Variants in SYNE3 observed in about 807,000 individuals in gnomAD.
SYNE3 encodes spectrin repeat containing nuclear envelope family member 3, also known as nesprin-3.
Under a neutral mutation model 111.2 loss-of-function variants are expected in SYNE3, and 100 were observed. The ratio of observed to expected loss-of-function variants is 0.90; its 90% CI spans 0.77 to 1.06. The LOEUF (loss-of-function observed/expected upper bound fraction) is 1.06, where lower values mean the gene tolerates loss of function less well. Ranked by LOEUF, SYNE3 falls within the 50% of genes least tolerant of loss-of-function variation. The pLI is 0.00. For missense variants in SYNE3, 1,160 were observed against 1,240.3 expected, an observed-to-expected ratio of 0.94 and a Z score of 0.97; for synonymous variants, 547 against 533.9, an observed-to-expected ratio of 1.02 and a Z score of -0.34.
intron 17 of SYNE3, among the ~76,000 whole-genome samples, chr14:95,421,018 A>G (rs910359086): frequency 6.6e-6 from 1 of 152,128 alleles, no homozygotes; most frequent in African/African-American, 2.4e-5. Context: ...ATGGTTTTAT[A>G]AGGGGTTTCC....
intron 13 of SYNE3, 92 bp downstream of exon 13, chr14:95,439,520 C>A (rs900366558): frequency 2.0e-6 from 3 of 1,536,038 alleles, no homozygotes; most frequent in Non-Finnish European, 1.8e-6. Flanking sequence ...CTGGGCAGCA[C>A]CCTGGCCCTC....
intron 3 of SYNE3, among the ~76,000 whole-genome samples, chr14:95,467,351 T>G (rs1019472902): frequency 6.6e-6 from 1 of 152,162 alleles, no homozygotes; most frequent in African/African-American, 2.4e-5. Context: ...CGAGGTCAGG[T>G]AACTTTCCCA....
intron 3 of SYNE3, 81 bp downstream of exon 3, chr14:95,467,714 T>G: frequency 6.5e-7 from 1 of 1,543,262 alleles, no homozygotes; most frequent in Non-Finnish European, 8.8e-7. Context: ...GAAATGTCTC[T>G]TGGGCAGAGG....
At chr14:95,486,881 C>T (rs1889578571) in intron 1 of SYNE3, among the ~76,000 whole-genome samples, 1 of 152,126 alleles carries the variant, frequency 6.6e-6, no homozygotes, top group South Asian at 2.1e-4. Context: ...GTGAGGGACC[C>T]CAGCCTGAAG....
At chr14:95,495,621 C>G (rs954611198) in intron 1 of SYNE3, among the ~76,000 whole-genome samples, 2 of 152,226 alleles carry the variant, frequency 1.3e-5, no homozygotes, top group African/African-American at 2.4e-5. Flanking sequence ...GCTGGCTCTC[C>G]TGCCCACGTC....
intron 14 of SYNE3, 41 bp from the exon 15 acceptor site, chr14:95,437,022 GC>G: frequency 1.1e-5 from 17 of 1,612,204 alleles, no homozygotes; most frequent in East Asian, 4.5e-5. Context: ...AGGTGAAAGA[GC>G]CCCCCTGGCC....
At chr14:95,483,983 T>A (rs1459682096) in intron 1 of SYNE3, among the ~76,000 whole-genome samples, 2 of 152,152 alleles carry the variant, frequency 1.3e-5, no homozygotes, top group East Asian at 3.9e-4. Context: ...CACAGACCGG[T>A]GGTGTCTGGT....
At chr14:95,479,224 CAAAAAAAAAAAAA>C (rs71132351) in intron 1 of SYNE3, among the ~76,000 whole-genome samples, 5 of 86,300 alleles carry the variant, frequency 5.8e-5, no homozygotes, top group South Asian at 3.7e-4. Flanking sequence ...TCGTCTCTAC[CAAAAAAAAAAAAA>C]AAAAAAAAAA....
chr14:95,468,315 C>T (rs1411418157), intron 2 of SYNE3, among the ~76,000 whole-genome samples: 1 of 152,230 alleles, frequency 6.6e-6, no homozygotes, highest in Non-Finnish European at 1.5e-5. Flanking sequence ...ATCTATCTCT[C>T]AGATTTTTTT....
At chr14:95,440,385 C>G (rs184265900) in intron 11 of SYNE3, among the ~76,000 whole-genome samples, 1 of 152,262 alleles carries the variant, frequency 6.6e-6, no homozygotes, top group Non-Finnish European at 1.5e-5. Flanking sequence ...CTTGTGGAAA[C>G]CACGGGTCAG....
intron 17 of SYNE3, among the ~76,000 whole-genome samples, chr14:95,430,636 C>T (rs1253209978): frequency 6.6e-6 from 1 of 152,050 alleles, no homozygotes; most frequent in Non-Finnish European, 1.5e-5. Context: ...CTAGCCTGGC[C>T]AACATGGTGA....
At chr14:95,454,331 C>G (rs896683369) in intron 6 of SYNE3, among the ~76,000 whole-genome samples, 6 of 152,274 alleles carry the variant, frequency 3.9e-5, no homozygotes, top group African/African-American at 1.4e-4. Context: ...AAATCCCTGT[C>G]TCCACCTATT....
intron 1 of SYNE3, among the ~76,000 whole-genome samples, chr14:95,490,186 G>GCCC (rs1386654524): frequency 1.3e-5 from 2 of 152,206 alleles, no homozygotes; most frequent in Non-Finnish European, 2.9e-5. Context: ...GAGAGGCCCT[G>GCCC]CCCTATCCCA....
chr14:95,452,684 A>C (rs533445139), intron 6 of SYNE3, among the ~76,000 whole-genome samples: 1 of 152,192 alleles, frequency 6.6e-6, no homozygotes, highest in Non-Finnish European at 1.5e-5. Context: ...ACTAATACTC[A>C]GGGGACACCA....
intron 4 of SYNE3, 116 bp from the exon 5 acceptor site, chr14:95,457,454 G>A (rs1887538796): frequency 8.1e-7 from 1 of 1,229,082 alleles, no homozygotes; most frequent in Non-Finnish European, 1.1e-6. Context: ...GTTAGCAGGG[G>A]GTGCAACCAA....
At position 95,418,041 on chromosome 14, in the gene SYNE3, C is replaced by T. The variant is rs773707451; in HGVS notation, c.2728-15G>A. ...CACCGCCGAGTCTGCGGAACCAACACAGCACAGGTGAGTGGGCTGGGGGGC... is the reference window on the plus strand; with the variant it reads ...CACCGCCGAGTCTGCGGAACCAACATAGCACAGGTGAGTGGGCTGGGGGGC... On this transcript the variant is annotated splice_polypyrimidine_tract_variant and intron_variant, in intron 17 of 17. Transcript: ENST00000682763. 3.1e-6 allele frequency: 5 copies of T among 1,606,098 alleles called. No individual in the cohort carries two copies. The East Asian group carries it at 8.9e-5, about 29-fold the overall frequency.
chr14:95,468,446 A>G (rs1888328953), intron 2 of SYNE3, among the ~76,000 whole-genome samples: 2 of 152,190 alleles, frequency 1.3e-5, no homozygotes, highest in Non-Finnish European at 2.9e-5. Context: ...AGCCTCCAGA[A>G]TCATCTCTGT....
intron 1 of SYNE3, among the ~76,000 whole-genome samples, chr14:95,491,858 G>A (rs765499428): frequency 4.0e-5 from 6 of 148,900 alleles, no homozygotes; most frequent in Non-Finnish European, 5.9e-5. Context: ...TCACATATCC[G>A]ATAAGGGACT....
chr14:95,454,383 T>G (rs1887281870), intron 6 of SYNE3, among the ~76,000 whole-genome samples: 1 of 152,262 alleles, frequency 6.6e-6, no homozygotes, highest in South Asian at 2.1e-4. Context: ...TCTCAGTGCT[T>G]CATTTCACAC....
Sources: allele counts gnomAD v4.1 joint callset (sites outside exome capture counted in the v4.1 genomes callset), GRCh38; gene constraint gnomAD v4.1.1; transcripts MANE v1.5; gene names NCBI Gene and HGNC (gene_info 2026-07-23, HGNC 2026-07-21).